RGS17: variants seen among roughly 807,000 people sequenced by gnomAD.
The protein encoded by RGS17 is regulator of G-protein signaling 17.
A neutral mutation model predicts 25.5 loss-of-function variants in RGS17; 12 were observed. That is an observed-to-expected ratio of 0.47 (90% confidence interval 0.30 to 0.76). The LOEUF is 0.76. Among genes scored for constraint, RGS17 ranks in the 30% least tolerant of loss-of-function variants. RGS17 has a pLI of 0.07. For missense variants in RGS17, 196 were observed against 242.2 expected, an observed-to-expected ratio of 0.81 and a Z score of 1.27; for synonymous variants, 71 against 76.9, an observed-to-expected ratio of 0.92 and a Z score of 0.40.
intron 1 of RGS17, among the ~76,000 whole-genome samples, chr6:153,106,820 A>C (rs1260787506): frequency 6.6e-6 from 1 of 151,522 alleles, no homozygotes; most frequent in Non-Finnish European, 1.5e-5. Flanking sequence ...TTTTAGTAGA[A>C]ATGCGGTTTC....
chr6:153,094,259 A>G (rs907587619), intron 1 of RGS17, among the ~76,000 whole-genome samples: 8 of 151,764 alleles, frequency 5.3e-5, no homozygotes, highest in African/African-American at 1.7e-4. Context: ...TATTTTTTTT[A>G]GCAGAGATGG....
rs182277259 is a variant in RGS17, at chr6:153,128,194, C to A, written c.-26+2930G>T. Among the ~76,000 whole-genome samples the A allele has an allele frequency of 2.5e-3, 376 of 152,282 alleles. 3 individuals are homozygous for A. Among genetic ancestry groups the A allele is most frequent in the African/African-American group, 8.8e-3 (366 of 41,548 alleles). On this transcript the variant is annotated intron_variant, in intron 1 of 4. Coordinates refer to ENST00000206262, the MANE Select transcript of RGS17 (RefSeq NM_012419.5). ...CCCTTGGAAATGTCATATAATTTTA[C>A]GCCTCCACAATGCATTCACACTTAC...
chr6:153,085,212 T>A (rs1298324974), intron 1 of RGS17, among the ~76,000 whole-genome samples: 1 of 152,226 alleles, frequency 6.6e-6, no homozygotes, highest in Non-Finnish European at 1.5e-5. Context: ...TTTCCATGAT[T>A]GACTTAGCCT....
chr6:153,041,868 A>G (rs1226240818), intron 2 of RGS17, among the ~76,000 whole-genome samples: 1 of 152,224 alleles, frequency 6.6e-6, no homozygotes, highest in African/African-American at 2.4e-5. Flanking sequence ...ATTTTCCAAT[A>G]TGAAGTGTTC....
intron 1 of RGS17, among the ~76,000 whole-genome samples, chr6:153,056,483 G>A (rs937018579): frequency 1.3e-5 from 2 of 152,166 alleles, no homozygotes; most frequent in African/African-American, 4.8e-5. Context: ...CTGATACTCA[G>A]ATAAGATCTT....
chr6:153,104,919 G>A (rs983951067), intron 1 of RGS17, among the ~76,000 whole-genome samples: 1 of 151,840 alleles, frequency 6.6e-6, no homozygotes, highest in African/African-American at 2.4e-5. Context: ...ATGGATATCT[G>A]GGGGAGGAAC....
chr6:153,043,448 G>A (rs1182892363), intron 2 of RGS17, among the ~76,000 whole-genome samples: 2 of 149,846 alleles, frequency 1.3e-5, no homozygotes, highest in Admixed American at 1.3e-4. Context: ...TGGTCATACA[G>A]CTGAATGCTC....
At chr6:153,057,140 T>G (rs139009082) in intron 1 of RGS17, among the ~76,000 whole-genome samples, 38 of 151,924 alleles carry the variant, frequency 2.5e-4, no homozygotes, top group African/African-American at 9.2e-4. Context: ...TGTAAACTCT[T>G]ATATTTTATT....
At chr6:153,111,016 G>A (rs1379333065) in intron 1 of RGS17, among the ~76,000 whole-genome samples, 1 of 152,042 alleles carries the variant, frequency 6.6e-6, no homozygotes, top group South Asian at 2.1e-4. Flanking sequence ...GCAGCCATTT[G>A]GGCAGACACC....
chr6:153,066,345 C>G (rs1776707893), intron 1 of RGS17, among the ~76,000 whole-genome samples: 1 of 152,000 alleles, frequency 6.6e-6, no homozygotes, highest in South Asian at 2.1e-4. Context: ...GTAACAAGAT[C>G]AAAGTCATAA....
intron 2 of RGS17, among the ~76,000 whole-genome samples, chr6:153,032,812 A>G (rs1776170682): frequency 6.6e-6 from 1 of 152,178 alleles, no homozygotes; most frequent in Non-Finnish European, 1.5e-5. Flanking sequence ...TTAGTCTTAA[A>G]AACAGGCAGG....
intron 1 of RGS17, among the ~76,000 whole-genome samples, chr6:153,128,690 T>C (rs1777741930): frequency 6.6e-6 from 1 of 152,150 alleles, no homozygotes; most frequent in Non-Finnish European, 1.5e-5. Context: ...GTAGGAAATG[T>C]TAAGGAAGGT....
At chr6:153,040,062 T>C (rs370145041) in intron 2 of RGS17, among the ~76,000 whole-genome samples, 1 of 151,282 alleles carries the variant, frequency 6.6e-6, no homozygotes, top group East Asian at 2.0e-4. Context: ...TGCATGTTTA[T>C]AGAGTGTCCA....
intron 1 of RGS17, among the ~76,000 whole-genome samples, chr6:153,062,712 T>C (rs941051330): frequency 6.6e-6 from 1 of 152,136 alleles, no homozygotes; most frequent in Non-Finnish European, 1.5e-5. Context: ...CTGCACAGCT[T>C]GTGGTTCCAA....
chr6:153,036,455 G>A (rs953083283), intron 2 of RGS17, among the ~76,000 whole-genome samples: 1 of 152,108 alleles, frequency 6.6e-6, no homozygotes, highest in Admixed American at 6.5e-5. Flanking sequence ...GTGTCCTGAG[G>A]TTTCTGTCTG....
At chr6:153,013,788 C>G (rs1346399874) in intron 4 of RGS17, among the ~76,000 whole-genome samples, 1 of 152,214 alleles carries the variant, frequency 6.6e-6, no homozygotes, top group Non-Finnish European at 1.5e-5. Flanking sequence ...AGAGCAAGGT[C>G]CTAACTCTCT....
chr6:153,054,632 C>T (rs1776528385), intron 1 of RGS17, among the ~76,000 whole-genome samples: 1 of 148,942 alleles, frequency 6.7e-6, no homozygotes, highest in Admixed American at 6.8e-5. Flanking sequence ...GCCTGGGCAA[C>T]AGTGCATGAC....
chr6:153,064,731 G>A (rs1488759980), intron 1 of RGS17, among the ~76,000 whole-genome samples: 1 of 151,980 alleles, frequency 6.6e-6, no homozygotes, highest in Non-Finnish European at 1.5e-5. Context: ...GTTGTTATCA[G>A]TTTAAAATTA....
At chr6:153,062,834 T>A (rs892374480) in intron 1 of RGS17, among the ~76,000 whole-genome samples, 3 of 152,118 alleles carry the variant, frequency 2.0e-5, no homozygotes, top group African/African-American at 7.2e-5. Context: ...ATCGGAGTCA[T>A]GAGGTGCTCT....
Sources: gnomAD v4.1 joint callset for allele counts (sites outside exome capture counted in the v4.1 genomes callset) on GRCh38, gnomAD v4.1.1 for gene constraint, MANE v1.5 for transcripts, NCBI Gene and HGNC (gene_info 2026-07-23, HGNC 2026-07-21) for gene names.